Variants in DCLK2 observed in about 807,000 individuals in gnomAD.
DCLK2 encodes the protein serine/threonine-protein kinase DCLK2.
Under a neutral mutation model 78.4 loss-of-function variants are expected in DCLK2, and 31 were observed. The ratio of observed to expected loss-of-function variants is 0.40; its 90% CI spans 0.30 to 0.53. The LOEUF (loss-of-function observed/expected upper bound fraction) is 0.53. Ranked by LOEUF, DCLK2 falls within the 20% of genes least tolerant of loss-of-function variation. The probability of loss-of-function intolerance (pLI) is 0.61; values close to 1 mark genes in which losing one functional copy is unlikely to be tolerated. For synonymous variants in DCLK2, 407 were observed against 374.9 expected, an observed-to-expected ratio of 1.09 and a Z score of -0.99; for missense variants, 872 against 973.7, an observed-to-expected ratio of 0.90 and a Z score of 1.39.
At chr4:150,181,953 G>GT (rs1442669920) in intron 2 of DCLK2, among the ~76,000 whole-genome samples, 1 of 152,018 alleles carries the variant, frequency 6.6e-6, no homozygotes, top group African/African-American at 2.4e-5. Flanking sequence ...CTGTGAATTT[G>GT]TTTATCTGGT....
At chr4:150,092,085 C>T (rs958492800) in intron 1 of DCLK2, among the ~76,000 whole-genome samples, 4 of 151,952 alleles carry the variant, frequency 2.6e-5, no homozygotes, top group Non-Finnish European at 5.9e-5. Context: ...TGGCTTATTT[C>T]ATTTAACATA....
chr4:150,166,693 T>C (rs1736107207), intron 2 of DCLK2, among the ~76,000 whole-genome samples: 1 of 152,132 alleles, frequency 6.6e-6, no homozygotes, highest in Admixed American at 6.6e-5. Context: ...TAATGCATAA[T>C]TTATCTGAGT....
chr4:150,170,046 T>A (rs1215906631), intron 2 of DCLK2, among the ~76,000 whole-genome samples: 1 of 152,180 alleles, frequency 6.6e-6, no homozygotes, highest in Non-Finnish European at 1.5e-5. Flanking sequence ...AAGTAGTTTT[T>A]AAATTTTTAT....
chr4:150,249,564 G>T lies in DCLK2; in HGVS notation c.1957-4G>T, dbSNP rs151010778. 3.1e-6 allele frequency: 5 copies of T among 1,612,140 alleles called. No homozygotes were observed. The highest frequency in any genetic ancestry group is 4.2e-6 in the Non-Finnish European group (5 of 1,178,542). On this transcript the variant is annotated splice_region_variant and splice_polypyrimidine_tract_variant and intron_variant, in intron 14 of 15. Coordinates refer to ENST00000296550, the MANE Select transcript of DCLK2 (RefSeq NM_001040260.4). ...ATTGTATTTGATTGTTTTCTTTCCT[G>T]TAGGATGATGCCTCCCAGGAGAATA...
intron 2 of DCLK2, among the ~76,000 whole-genome samples, chr4:150,139,539 C>T (rs1215167094): frequency 6.6e-6 from 1 of 152,166 alleles, no homozygotes; most frequent in Non-Finnish European, 1.5e-5. Context: ...AATGTGTGGT[C>T]TTACAGGGTG....
At chr4:150,127,347 C>T (rs1455186487) in intron 2 of DCLK2, among the ~76,000 whole-genome samples, 4 of 152,226 alleles carry the variant, frequency 2.6e-5, no homozygotes, top group Non-Finnish European at 1.5e-5. Flanking sequence ...TATATTTCCA[C>T]ATTTCCTTCT....
chr4:150,096,143 A>G lies in DCLK2; in HGVS notation c.422-6335A>G, dbSNP rs543908324. ...AAGAAACGAGAGAAGGCAGGGTAGA[A>G]GGAGTTGGTTTCCAGAGGGGTTTAG... On this transcript the variant is annotated intron_variant, in intron 1 of 15. Transcript: ENST00000296550. 3.9e-5 allele frequency among the ~76,000 whole-genome samples: 6 copies of G among 152,352 alleles called. No homozygotes were observed. The South Asian group carries it at 1.2e-3, about 32-fold the overall frequency.
intron 1 of DCLK2, among the ~76,000 whole-genome samples, chr4:150,102,203 T>C (rs574840947): frequency 1.1e-4 from 16 of 152,314 alleles, no homozygotes; most frequent in African/African-American, 3.6e-4. Context: ...AGGACCAAAA[T>C]GTGGAGAAAT....
At chr4:150,091,256 A>C (rs1379232072) in intron 1 of DCLK2, among the ~76,000 whole-genome samples, 1 of 152,202 alleles carries the variant, frequency 6.6e-6, no homozygotes, top group Non-Finnish European at 1.5e-5. Context: ...TGTAGAGGCA[A>C]ATATGCTCGA....
chr4:150,171,815 C>A (rs1736552360), intron 2 of DCLK2, among the ~76,000 whole-genome samples: 1 of 152,176 alleles, frequency 6.6e-6, no homozygotes, highest in Admixed American at 6.5e-5. Context: ...CTTAGTTCTT[C>A]CGTGATTATA....
intron 2 of DCLK2, among the ~76,000 whole-genome samples, chr4:150,117,920 A>G (rs1030937193): frequency 3.3e-5 from 5 of 152,284 alleles, no homozygotes; most frequent in South Asian, 2.1e-4. Flanking sequence ...ACAATCCACC[A>G]TCTTGGAAAA....
chr4:150,249,359 G>A (rs970982734), intron 14 of DCLK2, among the ~76,000 whole-genome samples: 3 of 152,036 alleles, frequency 2.0e-5, no homozygotes, highest in African/African-American at 7.3e-5. Context: ...CAGAGGGAAT[G>A]GTGTGGGGTC....
intron 5 of DCLK2, among the ~76,000 whole-genome samples, chr4:150,216,876 A>G (rs929029529): frequency 2.0e-5 from 3 of 152,072 alleles, no homozygotes; most frequent in African/African-American, 4.8e-5. Context: ...GTTAAATACA[A>G]TGCTGTCTTT....
At chr4:150,238,184 T>A (rs1742649699) in intron 10 of DCLK2, among the ~76,000 whole-genome samples, 1 of 152,100 alleles carries the variant, frequency 6.6e-6, no homozygotes, top group South Asian at 2.1e-4. Context: ...ATAAACTTGT[T>A]AACATTTTTG....
At chr4:150,121,835 A>G (rs963481149) in intron 2 of DCLK2, among the ~76,000 whole-genome samples, 1 of 152,230 alleles carries the variant, frequency 6.6e-6, no homozygotes, top group Non-Finnish European at 1.5e-5. Context: ...GCTAGCAGGC[A>G]TGAAAACAAC....
rs779985914 is a variant in DCLK2, at chr4:150,190,260, T to C, written c.757-2878T>C. ...TTAGATAGATAGATAGATAGATAGA[T>C]AGATAGATAGATAGATAGATAGATA... On this transcript the variant is annotated intron_variant, in intron 2 of 15. Transcript: ENST00000296550. 1.6e-3 allele frequency among the ~76,000 whole-genome samples: 173 copies of C among 107,528 alleles called. 1 individual carries two copies. Among genetic ancestry groups the C allele is most frequent in the Middle Eastern group, 9.3e-3 (2 of 214 alleles). 70.5% of individuals were successfully genotyped at this position (107,528 alleles called of 152,430 possible). A position where few individuals can be genotyped will look rare whatever the true frequency, so the allele number is the denominator to read the frequency against.
At chr4:150,113,281 T>G (rs1031339924) in intron 2 of DCLK2, among the ~76,000 whole-genome samples, 5 of 152,242 alleles carry the variant, frequency 3.3e-5, no homozygotes, top group African/African-American at 1.2e-4. Context: ...GTGGATTCCC[T>G]CTTTCTCAGT....
chr4:150,090,798 T>C (rs997393488), intron 1 of DCLK2, among the ~76,000 whole-genome samples: 45 of 152,176 alleles, frequency 3.0e-4, no homozygotes, highest in African/African-American at 1.0e-3. Context: ...ACCATACAAC[T>C]GGATGTGACT....
At chr4:150,204,507 A>G (rs1031819650) in intron 5 of DCLK2, among the ~76,000 whole-genome samples, 2 of 152,236 alleles carry the variant, frequency 1.3e-5, no homozygotes, top group Admixed American at 6.5e-5. Context: ...CAAAATTTCA[A>G]CAAGTTTTAT....
Sources: allele counts gnomAD v4.1 joint callset (sites outside exome capture counted in the v4.1 genomes callset), GRCh38; gene constraint gnomAD v4.1.1; transcripts MANE v1.5; gene names NCBI Gene and HGNC (gene_info 2026-07-23, HGNC 2026-07-21).